Variants in RANBP2 observed in about 807,000 individuals in gnomAD.
The protein encoded by RANBP2 is E3 SUMO-protein ligase RanBP2.
RANBP2 carries 57 observed loss-of-function variants against 303.6 expected under a neutral mutation model. That is an observed-to-expected ratio of 0.19 (90% CI 0.15 to 0.23). The LOEUF (loss-of-function observed/expected upper bound fraction) is 0.23, where lower values mean the gene tolerates loss of function less well. RANBP2 is among the 10% of genes least tolerant of loss of function. RANBP2 has a pLI of 1.00. For synonymous variants in RANBP2, 1,167 were observed against 1,301.5 expected, an observed-to-expected ratio of 0.90 and a Z score of 2.23; for missense variants, 3,138 against 3,780.8, an observed-to-expected ratio of 0.83 and a Z score of 4.46.
At chr2:109,117,756 T>C in the RANBP2 span, among the ~76,000 whole-genome samples, 1 of 152,198 alleles carries the variant, frequency 6.6e-6, no homozygotes, top group Non-Finnish European at 1.5e-5. Flanking sequence ...AGACGGGAGC[T>C]GTTCCTATTC....
chr2:109,495,582 A>C, the RANBP2 span, among the ~76,000 whole-genome samples: 3 of 135,336 alleles, frequency 2.2e-5, no homozygotes, highest in Non-Finnish European at 4.6e-5. Context: ...TCCGCCTCCC[A>C]GATTTAAGCA....
At chr2:109,167,299 G>A in the RANBP2 span, among the ~76,000 whole-genome samples, 128 of 152,212 alleles carry the variant, frequency 8.4e-4, 1 homozygote, top group African/African-American at 2.9e-3. Context: ...CAGGAGATGC[G>A]GTAGAACCAA....
At chr2:109,203,777 T>A in the RANBP2 span, among the ~76,000 whole-genome samples, 2 of 152,138 alleles carry the variant, frequency 1.3e-5, no homozygotes, top group South Asian at 2.1e-4. Flanking sequence ...ACACCCTCGG[T>A]CCATCCATTC....
the RANBP2 span, among the ~76,000 whole-genome samples, chr2:108,859,877 A>G: frequency 6.6e-6 from 1 of 152,036 alleles, no homozygotes; most frequent in African/African-American, 2.4e-5. Context: ...TGTTGAATCC[A>G]TAGATTGCTT....
chr2:109,519,130 G>T, the RANBP2 span, among the ~76,000 whole-genome samples: 6 of 152,014 alleles, frequency 3.9e-5, no homozygotes, highest in African/African-American at 1.4e-4. Context: ...TGTTGGTCAG[G>T]CTGGTCTTGA....
At chr2:109,335,787 C>A in the RANBP2 span, among the ~76,000 whole-genome samples, 1 of 152,304 alleles carries the variant, frequency 6.6e-6, no homozygotes, top group Non-Finnish European at 1.5e-5. Context: ...GCATAAATGT[C>A]CTAAAACCAC....
the RANBP2 span, among the ~76,000 whole-genome samples, chr2:109,666,124 C>T: frequency 1.1e-4 from 13 of 121,352 alleles, no homozygotes; most frequent in African/African-American, 4.1e-4. Flanking sequence ...CAAAACAAAA[C>T]AAAAAACTAA....
chr2:109,399,341 GAGAA>G, the RANBP2 span, among the ~76,000 whole-genome samples: 1 of 152,204 alleles, frequency 6.6e-6, no homozygotes, highest in Non-Finnish European at 1.5e-5. Context: ...TCCCTTTCAA[GAGAA>G]AGAAGGAGTC....
the RANBP2 span, among the ~76,000 whole-genome samples, chr2:109,082,623 GT>G: frequency 1.3e-5 from 2 of 151,774 alleles, no homozygotes; most frequent in African/African-American, 4.8e-5. Context: ...AAAACAAAAA[GT>G]TTTTATCATG....
At chr2:109,445,761 G>T in the RANBP2 span, among the ~76,000 whole-genome samples, 1 of 152,036 alleles carries the variant, frequency 6.6e-6, no homozygotes, top group Admixed American at 6.5e-5. Flanking sequence ...AGAGAGGGGG[G>T]TTGGCTTGGA....
At chr2:109,676,869 T>G in the RANBP2 span, among the ~76,000 whole-genome samples, 1 of 152,206 alleles carries the variant, frequency 6.6e-6, no homozygotes, top group Non-Finnish European at 1.5e-5. Context: ...TCTATCCATC[T>G]AGCCATCATC....
At chr2:109,146,885 T>TCCCCCC in the RANBP2 span, among the ~76,000 whole-genome samples, 3 of 14,400 alleles carry the variant, frequency 2.1e-4, no homozygotes, top group East Asian at 0.011. Context: ...CTTTTTTCCC[T>TCCCCCC]CCCCCCCCCC....
At chr2:109,349,091 T>G in the RANBP2 span, among the ~76,000 whole-genome samples, 1 of 152,170 alleles carries the variant, frequency 6.6e-6, no homozygotes, top group Non-Finnish European at 1.5e-5. Flanking sequence ...AACTCGAATC[T>G]CTGCTTCTAA....
chr2:109,225,676 A>AT, the RANBP2 span, among the ~76,000 whole-genome samples: 1 of 152,396 alleles, frequency 6.6e-6, no homozygotes, highest in South Asian at 2.1e-4. Context: ...TTTCCTGTAA[A>AT]TATCAGGAAC....
chr2:109,378,217 C>T, the RANBP2 span, among the ~76,000 whole-genome samples: 1 of 152,314 alleles, frequency 6.6e-6, no homozygotes, highest in Non-Finnish European at 1.5e-5. Flanking sequence ...GTTCACCCAC[C>T]GGCTTGCACT....
At chr2:108,853,879 A>AT in the RANBP2 span, among the ~76,000 whole-genome samples, 2 of 123,110 alleles carry the variant, frequency 1.6e-5, no homozygotes, top group African/African-American at 6.4e-5. Flanking sequence ...ATACTATATA[A>AT]TATATTATAT....
the RANBP2 span, among the ~76,000 whole-genome samples, chr2:109,289,179 G>A: frequency 3.3e-5 from 5 of 152,058 alleles, no homozygotes. Flanking sequence ...CTCTCTCTCT[G>A]CAGAAAAAGC....
the RANBP2 span, among the ~76,000 whole-genome samples, chr2:109,195,623 CCTCT>C: frequency 6.6e-6 from 1 of 152,188 alleles, no homozygotes; most frequent in Non-Finnish European, 1.5e-5. Context: ...TGGAAGGATG[CCTCT>C]TTCCCCGCAG....
At chr2:108,793,305 C>T in the RANBP2 span, among the ~76,000 whole-genome samples, 1 of 151,370 alleles carries the variant, frequency 6.6e-6, no homozygotes, top group African/African-American at 2.4e-5. Context: ...TGCACTCCAG[C>T]CTGGGCGACA....
Sources: gnomAD v4.1 joint callset for allele counts (sites outside exome capture counted in the v4.1 genomes callset) on GRCh38, gnomAD v4.1.1 for gene constraint, MANE v1.5 for transcripts, NCBI Gene and HGNC (gene_info 2026-07-23, HGNC 2026-07-21) for gene names.